Variants in LCOR observed in about 807,000 individuals in gnomAD.
The protein encoded by LCOR is ligand-dependent corepressor.
A neutral mutation model predicts 64.4 loss-of-function variants in LCOR; 14 were observed. That is an observed-to-expected ratio of 0.22 (90% CI 0.14 to 0.34). The LOEUF is 0.34. LCOR is among the 10% of genes least tolerant of loss of function. The pLI is 1.00. For synonymous variants in LCOR, 643 were observed against 642.5 expected, an observed-to-expected ratio of 1.00 and a Z score of -0.01; for missense variants, 1,686 against 1,765.3, an observed-to-expected ratio of 0.96 and a Z score of 0.80.
chr10:96,848,450 G>A (rs539552175), intron 2 of LCOR, among the ~76,000 whole-genome samples: 1 of 152,200 alleles, frequency 6.6e-6, no homozygotes, highest in Non-Finnish European at 1.5e-5. Flanking sequence ...TTGAGGTCAG[G>A]AGTTGGAGAC....
rs553987288 is a variant in LCOR, at chr10:96,956,621, T to C, written c.332+4425T>C. 8 of 985,900 alleles carry C rather than the reference T, an allele frequency of 8.1e-6. No homozygotes were observed. The East Asian group carries it at 7.9e-4, about 98-fold the overall frequency. The allele number at this position is 985,900 out of a possible 1,614,324, so 61.1% of individuals were successfully genotyped here. A position where few individuals can be genotyped will look rare whatever the true frequency, so the allele number is the denominator to read the frequency against. On this transcript the variant is annotated intron_variant, in intron 7 of 7. Coordinates refer to ENST00000421806, the MANE Select transcript of LCOR (RefSeq NM_001346516.2). ...GTGCACACACTACCTTCAGAAATGC[T>C]TCAGTTAATTACTTTGAACACTACC...
At chr10:96,911,717 ACTGACTGC>A (rs1258482246) in intron 4 of LCOR, among the ~76,000 whole-genome samples, 2 of 152,180 alleles carry the variant, frequency 1.3e-5, no homozygotes, top group Non-Finnish European at 2.9e-5. Context: ...TGACTGACTG[ACTGACTGC>A]CTGACTGCCT....
At chr10:96,939,478 T>C (rs533582924) in intron 4 of LCOR, among the ~76,000 whole-genome samples, 5 of 152,220 alleles carry the variant, frequency 3.3e-5, no homozygotes, top group Non-Finnish European at 7.3e-5. Context: ...ACCAAAAATA[T>C]ATAGATTGGA....
intron 4 of LCOR, among the ~76,000 whole-genome samples, chr10:96,911,132 C>G (rs578129894): frequency 6.3e-4 from 79 of 125,974 alleles, no homozygotes; most frequent in African/African-American, 2.4e-3. Context: ...GGGTCTTGCT[C>G]TGTTGCCCAG....
intron 7 of LCOR, chr10:96,958,542 A>T: frequency 1.4e-6 from 1 of 703,974 alleles, no homozygotes. Flanking sequence ...TACTTCTATT[A>T]TTTGTTTTGG....
Position 96,907,264 on chromosome 10 carries a change from G to A in LCOR, c.-329-1G>A. 3.1e-6 allele frequency: 3 copies of A among 967,102 alleles called. No homozygotes were observed. Among genetic ancestry groups the A allele is most frequent in the Non-Finnish European group, 3.7e-6 (3 of 812,938 alleles). 59.9% of individuals were successfully genotyped at this position (967,102 alleles called of 1,614,324 possible). On this transcript the variant is annotated splice_acceptor_variant, in intron 2 of 7. Transcript: ENST00000421806. LOFTEE classifies it low-confidence loss of function (5UTR_SPLICE). ...AATGGATTTTGTTTTTATCCTTTCA[G>A]GGTTTGAAAGTATTCTTGAAGGGCT... is the stretch of plus-strand genomic sequence containing the variant.
chr10:96,945,013 T>C (rs184561630), intron 5 of LCOR, among the ~76,000 whole-genome samples: 82 of 152,322 alleles, frequency 5.4e-4, no homozygotes, highest in African/African-American at 1.9e-3. Flanking sequence ...GAGTCTTTAC[T>C]TTTAAGAAAT....
At chr10:96,948,965 G>A in intron 5 of LCOR, 43 bp from the exon 6 acceptor site, 1 of 1,418,078 alleles carries the variant, frequency 7.1e-7, no homozygotes, top group East Asian at 2.3e-5. Flanking sequence ...GTCTTTTTTA[G>A]TACATTGTCC....
Position 96,989,170 on chromosome 10 carries a change from ATCT to A in LCOR, c.*4041_*4043del, listed in dbSNP as rs1172210522. ...TAAACTTGAGCAACCTTAGCATTCC[ATCT>A]TCTTAAAAAAAACCATCACAGTAGC... On this transcript the variant is annotated 3_prime_UTR_variant, in exon 8 of 8. Transcript: ENST00000421806. 2.0e-5 allele frequency: 3 copies of A among 152,120 alleles called. No individual in the cohort carries two copies. The highest frequency in any genetic ancestry group is 4.4e-5 in the Non-Finnish European group (3 of 68,040). The allele number at this position is 152,120 out of a possible 1,614,324, so 9.4% of individuals were successfully genotyped here. A position where few individuals can be genotyped will look rare whatever the true frequency, so the allele number is the denominator to read the frequency against.
At chr10:96,937,955 T>A (rs9419829) in intron 4 of LCOR, among the ~76,000 whole-genome samples, 1,683 of 152,044 alleles carry the variant, frequency 0.011, 27 homozygotes, top group African/African-American at 0.038. Context: ...TTTATTTATT[T>A]ATTATTTGAG....
Position 96,982,342 on chromosome 10 carries a change from G to T in LCOR, c.1882G>T (p.Asp628Tyr). Residue 628 changes from aspartate (D) to tyrosine (Y), a missense_variant, in exon 8 of 8, where the codon GAC becomes TAC. Around this residue, in one of 3 missense-constraint regions of LCOR, gnomAD observed 1,293 missense variants for 1,410.4 expected, o/e 0.92. Transcript: ENST00000421806. ...TCTCCCTGCTCACCTTCCTGAAGAG[G>T]ACCTGCCAGAAGGTGGCTCCACAGT... ...WPLPAHLPEE[D>Y]LPEGGSTVSA... is the part of the protein sequence containing the mutation. The T allele has an allele frequency of 6.2e-7, 1 of 1,614,166 alleles. No individual in the cohort carries two copies. The highest frequency in any genetic ancestry group is 8.5e-7 in the Non-Finnish European group (1 of 1,180,016).
chr10:96,970,392 GTC>G (rs1263614762), intron 7 of LCOR, among the ~76,000 whole-genome samples: 1 of 151,732 alleles, frequency 6.6e-6, no homozygotes, highest in Non-Finnish European at 1.5e-5. Flanking sequence ...CTGAGACGCC[GTC>G]TCAAAAAATA....
At chr10:96,852,573 A>C (rs1845738289) in intron 2 of LCOR, among the ~76,000 whole-genome samples, 1 of 152,214 alleles carries the variant, frequency 6.6e-6, no homozygotes, top group South Asian at 2.1e-4. Flanking sequence ...ACAAAATCCT[A>C]AACCTGAAAC....
intron 2 of LCOR, among the ~76,000 whole-genome samples, chr10:96,834,757 G>C (rs1460102334): frequency 6.6e-6 from 1 of 152,124 alleles, no homozygotes; most frequent in Non-Finnish European, 1.5e-5. Context: ...CTTTAATTTA[G>C]ATGGTTTTAA....
intron 5 of LCOR, among the ~76,000 whole-genome samples, chr10:96,947,523 G>A (rs899295872): frequency 1.3e-5 from 2 of 152,100 alleles, no homozygotes; most frequent in African/African-American, 4.8e-5. Context: ...CCAAAATACT[G>A]TGGGTAAAGT....
chr10:96,886,850 T>C (rs893932987), intron 2 of LCOR, among the ~76,000 whole-genome samples: 25 of 152,238 alleles, frequency 1.6e-4, no homozygotes, highest in Non-Finnish European at 3.5e-4. Flanking sequence ...ACCAGTATTC[T>C]AATCATATAA....
chr10:96,959,505 G>A (rs1425137000), intron 7 of LCOR: 8 of 152,156 alleles, frequency 5.3e-5, no homozygotes, highest in South Asian at 4.1e-4. Context: ...CACTAATTCT[G>A]TGGAAGGATA....
chr10:96,933,637 A>G (rs1021467177), intron 4 of LCOR, among the ~76,000 whole-genome samples: 7 of 152,166 alleles, frequency 4.6e-5, no homozygotes, highest in African/African-American at 1.7e-4. Context: ...CTCCTGCCTC[A>G]GCCTCCTGAG....
intron 4 of LCOR, among the ~76,000 whole-genome samples, chr10:96,938,609 G>T (rs1847393575): frequency 6.6e-6 from 1 of 152,112 alleles, no homozygotes; most frequent in African/African-American, 2.4e-5. Flanking sequence ...TGGTTTTACA[G>T]ATGACATGAT....
Sources: allele counts gnomAD v4.1 joint callset (sites outside exome capture counted in the v4.1 genomes callset), GRCh38; gene constraint gnomAD v4.1.1; regional missense constraint gnomAD v4.1.1; transcripts MANE v1.5; gene names NCBI Gene and HGNC (gene_info 2026-07-23, HGNC 2026-07-21).